GATAD2B: variants seen among roughly 807,000 people sequenced by gnomAD.
The protein encoded by GATAD2B is transcriptional repressor p66-beta.
A neutral mutation model predicts 64.3 loss-of-function variants in GATAD2B; 8 were observed. The observed-to-expected ratio is 0.12, with a 90% CI of 0.07 to 0.22. The LOEUF (loss-of-function observed/expected upper bound fraction) is 0.22, where lower values mean the gene tolerates loss of function less well. GATAD2B is among the 10% of genes least tolerant of loss of function. The pLI is 1.00. For synonymous variants in GATAD2B, 281 were observed against 271.3 expected (o/e 1.04, Z -0.35); for missense variants, 453 against 752.0 (o/e 0.60, Z 4.65).
intron 1 of GATAD2B, among the ~76,000 whole-genome samples, chr1:153,834,825 G>A (rs1391505378): frequency 6.6e-6 from 1 of 151,988 alleles, no homozygotes; most frequent in Non-Finnish European, 1.5e-5. Context: ...ACAATTAGAA[G>A]GGAGCCTGGG....
chr1:153,813,427 C>T lies in GATAD2B; in HGVS notation c.1242G>A (p.Arg414=), dbSNP rs1331463822. 4.3e-6 allele frequency: 7 copies of T among 1,613,950 alleles called. No individual in the cohort carries two copies. The highest frequency in any genetic ancestry group is 5.9e-6 in the Non-Finnish European group (7 of 1,179,964). ...ACTGGGCACATACAAAGGGTTCAACCCGCAGAAGTGAGGCACAGCTTTTGC... is the reference window on the plus strand; with the variant it reads ...ACTGGGCACATACAAAGGGTTCAACTCGCAGAAGTGAGGCACAGCTTTTGC... The part of the protein sequence containing the change: ...SQGKSCASLL[R]VEPFVCAQCR... Residue 414 remains arginine (R), a synonymous_variant, in exon 8 of 11, where the codon CGG becomes CGA. Coordinates refer to ENST00000368655, the MANE Select transcript of GATAD2B (RefSeq NM_020699.4).
At position 153,833,690 on chromosome 1, in the gene GATAD2B, A is replaced by G. The variant is rs780115956; in HGVS notation, c.-1-5342T>C. Among the ~76,000 whole-genome samples the G allele has an allele frequency of 5.5e-4, 83 of 151,898 alleles. 1 individual carries two copies. The highest frequency in any genetic ancestry group is 3.4e-3 in the Middle Eastern group (1 of 294). On this transcript the variant is annotated intron_variant, in intron 1 of 10. Transcript: ENST00000368655. ...TTAGGCTTGGCAGCACATGCCCGTA[A>G]TCCCAGCTACATGGGAGGGTGAGGC... is the stretch of plus-strand genomic sequence containing the variant.
rs193232294 is a variant in GATAD2B at position 153,882,664 on chromosome 1, T to C, written c.-2+40069A>G. On this transcript the variant is annotated intron_variant, in intron 1 of 10. Coordinates refer to ENST00000368655, the MANE Select transcript of GATAD2B (RefSeq NM_020699.4). ...GTATGATTGCAATATTATTCCACTT[T>C]CCTGTGTCATAGCTAGAACACTTTA... 2.3e-3 allele frequency among the ~76,000 whole-genome samples: 355 copies of C among 152,314 alleles called. 1 individual carries two copies. Among genetic ancestry groups the C allele is most frequent in the African/African-American group, 8.3e-3 (345 of 41,554 alleles).
intron 2 of GATAD2B, among the ~76,000 whole-genome samples, chr1:153,821,093 C>A (rs1029365445): frequency 2.0e-5 from 3 of 151,046 alleles, no homozygotes; most frequent in African/African-American, 4.9e-5. Flanking sequence ...AGATTCCCCC[C>A]GCCTCAGCCT....
intron 1 of GATAD2B, among the ~76,000 whole-genome samples, chr1:153,892,343 T>C (rs1261309126): frequency 1.3e-5 from 2 of 152,010 alleles, no homozygotes; most frequent in African/African-American, 2.4e-5. Context: ...AAAGATCAGA[T>C]ATCTAGGAAA....
At chr1:153,921,924 T>C (rs1029751818) in intron 1 of GATAD2B, 8 of 152,050 alleles carry the variant, frequency 5.3e-5, no homozygotes, top group African/African-American at 9.7e-5. Flanking sequence ...CTCAATGTAA[T>C]TGAGAGCAGG....
At chr1:153,865,577 G>A (rs1360755129) in intron 1 of GATAD2B, among the ~76,000 whole-genome samples, 3 of 152,178 alleles carry the variant, frequency 2.0e-5, no homozygotes, top group Non-Finnish European at 4.4e-5. Context: ...ACATTTTACC[G>A]ATGGTGATGA....
intron 1 of GATAD2B, among the ~76,000 whole-genome samples, chr1:153,875,106 G>A (rs936060242): frequency 2.6e-5 from 4 of 151,862 alleles, no homozygotes; most frequent in African/African-American, 9.7e-5. Flanking sequence ...TCAAGCTCCT[G>A]GGCTCAAGTG....
At chr1:153,912,727 A>G (rs1408253386) in intron 1 of GATAD2B, among the ~76,000 whole-genome samples, 1 of 152,208 alleles carries the variant, frequency 6.6e-6, no homozygotes. Context: ...TGGTAGATTA[A>G]AATTTCACAC....
At chr1:153,855,225 GT>G (rs112614667) in intron 1 of GATAD2B, among the ~76,000 whole-genome samples, 104,651 of 142,246 alleles carry the variant, frequency 0.74, 37,087 homozygotes, top group Middle Eastern at 0.81. Context: ...CTTTCTTTTT[GT>G]TTTTTTTTTT....
In GATAD2B at chr1:153,868,702, T is replaced by C. The variant is rs904588767; in HGVS notation, c.-1-40354A>G. On this transcript the variant is annotated intron_variant, in intron 1 of 10. Transcript: ENST00000368655. Reference sequence around the variant, plus strand: ...AACTACTCTACAGATCTTATTCACATGTCACCAGTTTTCCCACTAATATAT... The same window carrying C: ...AACTACTCTACAGATCTTATTCACACGTCACCAGTTTTCCCACTAATATAT... Among the ~76,000 whole-genome samples, 4 of 151,612 alleles carry C rather than the reference T, an allele frequency of 2.6e-5. No homozygotes were observed. In the East Asian group the frequency reaches 5.8e-4, roughly 22 times the overall value.
At chr1:153,818,272 G>C (rs886275141) in intron 4 of GATAD2B, 101 bp from the exon 5 acceptor site, 3 of 945,362 alleles carry the variant, frequency 3.2e-6, no homozygotes, top group Non-Finnish European at 4.5e-6. Flanking sequence ...TGAGGTTCTT[G>C]TCAATCAGGA....
chr1:153,895,160 A>AAAACAAAC (rs1182653852), intron 1 of GATAD2B, among the ~76,000 whole-genome samples: 2 of 151,942 alleles, frequency 1.3e-5, no homozygotes, highest in Admixed American at 6.6e-5. Flanking sequence ...CTCCGTCTCA[A>AAAACAAAC]AAACAAACAA....
At chr1:153,821,187 C>T (rs150536068) in intron 2 of GATAD2B, among the ~76,000 whole-genome samples, 2 of 151,862 alleles carry the variant, frequency 1.3e-5, no homozygotes, top group Non-Finnish European at 2.9e-5. Flanking sequence ...TCTTGCTATG[C>T]TGCCCAGGCT....
At chr1:153,871,996 G>A (rs1437689848) in intron 1 of GATAD2B, among the ~76,000 whole-genome samples, 1 of 151,928 alleles carries the variant, frequency 6.6e-6, no homozygotes, top group Non-Finnish European at 1.5e-5. Context: ...TTAATTTGAT[G>A]TTTATGTGAA....
intron 1 of GATAD2B, among the ~76,000 whole-genome samples, chr1:153,879,361 C>G (rs1477316011): frequency 6.6e-6 from 1 of 152,178 alleles, no homozygotes; most frequent in South Asian, 2.1e-4. Flanking sequence ...AGGCATGAGC[C>G]ACCGCTCTCG....
chr1:153,881,737 G>A (rs1677016292), intron 1 of GATAD2B, among the ~76,000 whole-genome samples: 1 of 152,092 alleles, frequency 6.6e-6, no homozygotes, highest in South Asian at 2.1e-4. Context: ...TAGAGAAAGA[G>A]AACAGAAAAA....
At chr1:153,820,853 C>T (rs577473074) in intron 2 of GATAD2B, among the ~76,000 whole-genome samples, 35 of 152,084 alleles carry the variant, frequency 2.3e-4, no homozygotes, top group African/African-American at 8.2e-4. Context: ...TGGTCTTAAG[C>T]GACCCTCCCG....
chr1:153,812,313 G>C (rs1472688261), intron 8 of GATAD2B, 181 bp from the exon 9 acceptor site: 2 of 555,972 alleles, frequency 3.6e-6, no homozygotes, highest in African/African-American at 1.9e-5. Flanking sequence ...TTACAGGCAT[G>C]AATCACTGCA....
Sources: allele counts gnomAD v4.1 joint callset (sites outside exome capture counted in the v4.1 genomes callset), GRCh38; gene constraint gnomAD v4.1.1; transcripts MANE v1.5; gene names NCBI Gene and HGNC (gene_info 2026-07-23, HGNC 2026-07-21).